Variants in TMEM116 observed in about 807,000 individuals in gnomAD.
The protein encoded by TMEM116 is transmembrane protein 116.
A neutral mutation model predicts 44.3 loss-of-function variants in TMEM116; 38 were observed. The ratio of observed to expected loss-of-function variants is 0.86; its 90% CI spans 0.66 to 1.12. The LOEUF (loss-of-function observed/expected upper bound fraction) is 1.12. TMEM116 is among the 50% of genes most tolerant of loss of function. The pLI is 0.00. For missense variants in TMEM116, 354 were observed against 401.7 expected (o/e 0.88, Z 1.01); for synonymous variants, 132 against 144.8 (o/e 0.91, Z 0.64).
intron 5 of TMEM116, 50 bp downstream of exon 5, chr12:111,943,215 C>T (rs769540498): frequency 2.7e-6 from 4 of 1,462,082 alleles, no homozygotes; most frequent in East Asian, 4.5e-5. Flanking sequence ...GGAGTCACCA[C>T]ACCCGGCCTA....
At chr12:111,940,476 T>TACACACACACACACAC (rs1276384412) in intron 5 of TMEM116, among the ~76,000 whole-genome samples, 5 of 98,798 alleles carry the variant, frequency 5.1e-5, no homozygotes, top group East Asian at 1.4e-3. Flanking sequence ...TATATATATA[T>TACACACACACACACAC]ACATACACAC....
intron 4 of TMEM116, among the ~76,000 whole-genome samples, chr12:111,943,710 T>C (rs906503096): frequency 6.6e-6 from 1 of 152,172 alleles, no homozygotes; most frequent in Admixed American, 6.5e-5. Context: ...AATTTTATTG[T>C]ATTTTTGGTA....
At chr12:111,970,700 C>T (rs1454466638) in intron 4 of TMEM116, among the ~76,000 whole-genome samples, 1 of 151,798 alleles carries the variant, frequency 6.6e-6, no homozygotes, top group Non-Finnish European at 1.5e-5. Flanking sequence ...CATTCTCCTG[C>T]CTCAGCCTCC....
Position 111,936,816 on chromosome 12 carries a change from T to C in TMEM116, c.464A>G (p.His155Arg). 6.2e-7 allele frequency: 1 copy of C among 1,604,802 alleles called. No homozygotes were observed. Among genetic ancestry groups the C allele is most frequent in the Non-Finnish European group, 8.5e-7 (1 of 1,175,960 alleles). Residue 155 changes from histidine (H) to arginine (R), a missense_variant, in exon 8 of 11, where the codon CAC becomes CGC. Transcript: ENST00000552374. ...TTCAGCCATGGCTGATGGTGGTGAGTGCATCAAGATACACCTAGGAAGAAA... is the reference window on the plus strand; with the variant it reads ...TTCAGCCATGGCTGATGGTGGTGAGCGCATCAAGATACACCTAGGAAGAAA... ...FSQSHKCILM[H>R]SPPSAMAELP...
At position 111,991,889 on chromosome 12, in the gene TMEM116, T is replaced by C; in HGVS notation, c.79A>G (p.Ile27Val). Reference protein sequence around the residue: ...VFHNIQKSPEIRPLFYLSFCD... With the variant: ...VFHNIQKSPEVRPLFYLSFCD... ...AAGCTCAGATAAAAAAGTGGTCTTATCTGTCAAAGTAATAAAATCCTCATT... is the reference window on the plus strand; with the variant it reads ...AAGCTCAGATAAAAAAGTGGTCTTACCTGTCAAAGTAATAAAATCCTCATT... Residue 27 changes from isoleucine to valine, a missense_variant and splice_region_variant, in exon 4 of 11, where the codon ATA becomes GTA. Coordinates refer to ENST00000552374, the MANE Select transcript of TMEM116 (RefSeq NM_001193531.2). 6.5e-7 allele frequency: 1 copy of C among 1,534,782 alleles called. No individual in the cohort carries two copies. Among genetic ancestry groups the C allele is most frequent in the South Asian group, 1.2e-5 (1 of 83,996 alleles).
At chr12:112,002,085 A>G (rs2077288411) in intron 3 of TMEM116, among the ~76,000 whole-genome samples, 1 of 152,230 alleles carries the variant, frequency 6.6e-6, no homozygotes, top group Non-Finnish European at 1.5e-5. Context: ...CACTGAAAGC[A>G]CTGAGCAAAT....
intron 5 of TMEM116, among the ~76,000 whole-genome samples, chr12:111,941,073 C>T (rs1042170664): frequency 2.0e-5 from 3 of 151,830 alleles, no homozygotes; most frequent in South Asian, 2.1e-4. Flanking sequence ...AGAAACTAAG[C>T]GAGTTTAAAA....
intron 9 of TMEM116, among the ~76,000 whole-genome samples, 157 bp downstream of exon 9, chr12:111,933,729 C>T (rs903366476): frequency 1.3e-5 from 2 of 151,614 alleles, no homozygotes; most frequent in African/African-American, 2.4e-5. Context: ...ATCTCCTGAC[C>T]TCGTGATCCA....
intron 4 of TMEM116, among the ~76,000 whole-genome samples, chr12:111,951,455 G>C (rs2073722333): frequency 6.6e-6 from 1 of 152,158 alleles, no homozygotes; most frequent in Non-Finnish European, 1.5e-5. Context: ...AGTAAATGTG[G>C]TACATATATA....
intron 4 of TMEM116, among the ~76,000 whole-genome samples, chr12:111,944,584 C>CCAAG (rs755151267): frequency 1.3e-5 from 2 of 152,064 alleles, no homozygotes; most frequent in Non-Finnish European, 2.9e-5. Context: ...GTTTGGGAGG[C>CCAAG]CAAGGCAGCT....
intron 5 of TMEM116, among the ~76,000 whole-genome samples, chr12:111,940,476 TAC>T (rs1276384412): frequency 1.0e-5 from 1 of 98,800 alleles, no homozygotes. Context: ...TATATATATA[TAC>T]ATACACACAC....
intron 3 of TMEM116, among the ~76,000 whole-genome samples, chr12:111,992,621 AAAG>A: frequency 6.6e-6 from 1 of 152,300 alleles, no homozygotes; most frequent in East Asian, 1.9e-4. Context: ...CTGAGGACTT[AAAG>A]AAAATGAAAA....
chr12:111,962,174 A>C (rs1405020153), intron 4 of TMEM116, among the ~76,000 whole-genome samples: 1 of 152,236 alleles, frequency 6.6e-6, no homozygotes, highest in Non-Finnish European at 1.5e-5. Context: ...AGAGGACACA[A>C]ATAAATGGAA....
chr12:111,931,736 C>A lies in TMEM116; in HGVS notation c.899G>T (p.Arg300Leu), dbSNP rs371845657. Reference protein sequence around the residue: ...KFHQLKQEARRDADTQTPLLC... With the variant: ...KFHQLKQEARLDADTQTPLLC... ...TAATGGTGTCTGGGTATCTGCATCA[C>A]GCCGAGCCTCCTGCTTTAGTTGGTG... The change falls in exon 11 of 11, where the codon CGT becomes CTT. Residue 300 changes from arginine (R) to leucine (L), a missense_variant. By Grantham distance (102) the Arg-to-Leu change is moderately radical. Coordinates refer to ENST00000552374, the MANE Select transcript of TMEM116 (RefSeq NM_001193531.2). 6.2e-6 allele frequency: 10 copies of A among 1,612,080 alleles called. No individual in the cohort carries two copies. Among genetic ancestry groups the A allele is most frequent in the Non-Finnish European group, 8.5e-6 (10 of 1,179,122 alleles).
In TMEM116 at chr12:111,932,598, A is replaced by G. The variant is rs754126478; in HGVS notation, c.795T>C (p.Leu265=). The change falls in exon 10 of 11, where the codon CTT becomes CTC. Residue 265 remains leucine (L), a synonymous_variant. Coordinates refer to ENST00000552374, the MANE Select transcript of TMEM116 (RefSeq NM_001193531.2). ...KPQDTKLHMA[L]YVLQALTATS... ...TTGAAGGTGTTACCTGGAGAACATAAAGGGCCATGTGAAGCTTGGTGTCCT... is the reference window on the plus strand; with the variant it reads ...TTGAAGGTGTTACCTGGAGAACATAGAGGGCCATGTGAAGCTTGGTGTCCT... 6 of 1,614,084 alleles carry G rather than the reference A, an allele frequency of 3.7e-6. No homozygotes were observed. The African/African-American group carries it at 5.3e-5, about 14-fold the overall frequency.
At chr12:111,992,308 C>T (rs1348470872) in intron 3 of TMEM116, among the ~76,000 whole-genome samples, 1 of 148,836 alleles carries the variant, frequency 6.7e-6, no homozygotes, top group Non-Finnish European at 1.5e-5. Context: ...TTCGCTCTGT[C>T]GCCCAGGCTA....
At chr12:111,965,671 T>C in intron 4 of TMEM116, 1 of 372,896 alleles carries the variant, frequency 2.7e-6, no homozygotes, top group Admixed American at 3.2e-5. Context: ...ACACCTGTAA[T>C]CCCAGCACTT....
At position 111,933,948 on chromosome 12, in the gene TMEM116, A is replaced by G; in HGVS notation, c.671T>C (p.Ile224Thr). ...GCGCACCCGTTGGTCCACAATGTGA[A>G]TCACTGCCCACTGTTCACTCCCCAG... ...GFLGSEQWAV[I>T]HIVDQRVRFY... is the part of the protein sequence containing the mutation. The change falls in exon 9 of 11, where the codon ATT becomes ACT. Residue 224 changes from isoleucine to threonine, a missense_variant. Coordinates refer to ENST00000552374, the MANE Select transcript of TMEM116 (RefSeq NM_001193531.2). 2 of 1,614,108 alleles carry G rather than the reference A, an allele frequency of 1.2e-6. No individual in the cohort carries two copies. The highest frequency in any genetic ancestry group is 1.7e-6 in the Non-Finnish European group (2 of 1,180,030).
At chr12:111,937,638 C>T (rs918371845) in intron 6 of TMEM116, among the ~76,000 whole-genome samples, 4 of 152,158 alleles carry the variant, frequency 2.6e-5, no homozygotes, top group Non-Finnish European at 4.4e-5. Flanking sequence ...TTCTTGGGAG[C>T]TTTTCCAAAG....
Sources: allele counts gnomAD v4.1 joint callset (sites outside exome capture counted in the v4.1 genomes callset), GRCh38; gene constraint gnomAD v4.1.1; transcripts MANE v1.5; gene names NCBI Gene and HGNC (gene_info 2026-07-23, HGNC 2026-07-21).